RYR3: variants seen among roughly 807,000 people sequenced by gnomAD.
The protein encoded by RYR3 is brain ryanodine receptor-calcium release channel.
Under a neutral mutation model 584.3 loss-of-function variants are expected in RYR3, and 207 were observed. That is an observed-to-expected ratio of 0.35 (90% CI 0.32 to 0.40). The LOEUF is 0.40. RYR3 is among the 10% of genes least tolerant of loss of function. RYR3 has a pLI of 1.00. For missense variants in RYR3, 5,616 were observed against 6,089.2 expected (o/e 0.92, Z 2.59); for synonymous variants, 2,416 against 2,248.5 (o/e 1.07, Z -2.11).
rs752194470 is a variant in RYR3, at chr15:33,722,782, C to T, written c.6687C>T (p.Gly2229=). The part of the protein sequence containing the change: ...KLLIRRPECF[G]PALRGEGGNG... ...TCATCAGACGCCCAGAGTGCTTCGG[C>T]CCGGCCCTGCGGGGTGAGGGGGGAA... The change falls in exon 44 of 104, where the codon GGC becomes GGT. Residue 2229 remains glycine, a synonymous_variant. Transcript: ENST00000634891. The T allele has an allele frequency of 4.3e-6, 7 of 1,613,358 alleles. No homozygotes were observed. The highest frequency in any genetic ancestry group is 5.9e-6 in the Non-Finnish European group (7 of 1,179,660).
chr15:33,610,068 A>G (rs544971225), intron 18 of RYR3, among the ~76,000 whole-genome samples: 1 of 152,214 alleles, frequency 6.6e-6, no homozygotes, highest in Non-Finnish European at 1.5e-5. Context: ...ATTTGCCAAT[A>G]TGCATTGAGT....
chr15:33,714,032 A>G (rs939738044), intron 43 of RYR3, among the ~76,000 whole-genome samples: 3 of 152,186 alleles, frequency 2.0e-5, no homozygotes, highest in Non-Finnish European at 2.9e-5. Flanking sequence ...CATATTGTAG[A>G]TGAAGACCCT....
chr15:33,705,727 T>C (rs1372459034), intron 42 of RYR3, among the ~76,000 whole-genome samples: 1 of 152,174 alleles, frequency 6.6e-6, no homozygotes, highest in Admixed American at 6.5e-5. Flanking sequence ...TTTCTGGCCA[T>C]CCCAACCTCA....
chr15:33,473,653 T>A (rs2049130537), intron 2 of RYR3, 115 bp downstream of exon 2: 2 of 1,050,644 alleles, frequency 1.9e-6, no homozygotes, highest in South Asian at 3.1e-5. Flanking sequence ...GACACATTTA[T>A]TTTTTAAATG....
At chr15:33,651,452 G>GC in intron 31 of RYR3, among the ~76,000 whole-genome samples, 1 of 152,366 alleles carries the variant, frequency 6.6e-6, no homozygotes, top group East Asian at 1.9e-4. Context: ...TTCACAGGAA[G>GC]CGAGCAGACC....
chr15:33,741,622 T>C (rs1336685136), intron 51 of RYR3, among the ~76,000 whole-genome samples: 1 of 152,044 alleles, frequency 6.6e-6, no homozygotes, highest in Non-Finnish European at 1.5e-5. Flanking sequence ...TTGTTTTGTT[T>C]TGTTTTTTTG....
chr15:33,575,790 C>G (rs2058268425), intron 12 of RYR3, among the ~76,000 whole-genome samples: 2 of 150,294 alleles, frequency 1.3e-5, no homozygotes, highest in Non-Finnish European at 3.0e-5. Context: ...GAGATAGAGA[C>G]ACAGAAAGCC....
At chr15:33,612,882 A>G (rs2060266916) in intron 18 of RYR3, among the ~76,000 whole-genome samples, 1 of 152,140 alleles carries the variant, frequency 6.6e-6, no homozygotes. Flanking sequence ...CAGTCTGAAC[A>G]CTCATTGAGC....
chr15:33,806,523 A>G (rs2076219526), intron 69 of RYR3, among the ~76,000 whole-genome samples: 1 of 152,068 alleles, frequency 6.6e-6, no homozygotes, highest in Admixed American at 6.5e-5. Flanking sequence ...GCAAGAAAAT[A>G]AAACGTTTCC....
chr15:33,807,714 C>A lies in RYR3; in HGVS notation c.10026+145C>A, dbSNP rs1596706942. Reference sequence around the variant, plus strand: ...TCCCCCAGGCCTGCTCCAGGGAAGACAACTGCCTGTCAAAGAGTGAATGTA... The same window carrying A: ...TCCCCCAGGCCTGCTCCAGGGAAGAAAACTGCCTGTCAAAGAGTGAATGTA... On this transcript the variant is annotated intron_variant, in intron 70 of 103. Transcript: ENST00000634891. 2.8e-5 allele frequency: 22 copies of A among 793,962 alleles called. No homozygotes were observed. The East Asian group carries it at 5.6e-4, about 20-fold the overall frequency. 49.2% of individuals were successfully genotyped at this position (793,962 alleles called of 1,614,324 possible).
intron 38 of RYR3, among the ~76,000 whole-genome samples, chr15:33,682,450 T>TA (rs773557049): frequency 5.9e-5 from 9 of 152,104 alleles, no homozygotes; most frequent in Non-Finnish European, 1.0e-4. Flanking sequence ...TTAGCCTGAA[T>TA]AATCATTTAA....
At chr15:33,357,544 C>T (rs1312870400) in intron 1 of RYR3, among the ~76,000 whole-genome samples, 1 of 152,194 alleles carries the variant, frequency 6.6e-6, no homozygotes, top group Non-Finnish European at 1.5e-5. Flanking sequence ...GATTTTCCAA[C>T]TTCCTGCATT....
chr15:33,528,831 C>G (rs531556596), intron 3 of RYR3, among the ~76,000 whole-genome samples: 1 of 152,114 alleles, frequency 6.6e-6, no homozygotes, highest in African/African-American at 2.4e-5. Context: ...CATGACACCC[C>G]CCTCCCCCAG....
chr15:33,572,444 C>T (rs7169123), intron 12 of RYR3, among the ~76,000 whole-genome samples: 94,857 of 150,640 alleles, frequency 0.63, 31,462 homozygotes, highest in Middle Eastern at 0.75. Context: ...TGGATTTTGT[C>T]TTCTGCTTGT....
intron 76 of RYR3, 150 bp from the exon 77 acceptor site, chr15:33,819,606 G>A (rs920732565): frequency 1.2e-5 from 4 of 339,626 alleles, no homozygotes; most frequent in East Asian, 1.4e-4. Flanking sequence ...TCCAGGAGGC[G>A]GAGGTTGCAG....
intron 21 of RYR3, 92 bp from the exon 22 acceptor site, chr15:33,629,848 G>T: frequency 3.1e-6 from 2 of 652,552 alleles, no homozygotes; most frequent in Non-Finnish European, 5.3e-6. Flanking sequence ...GGATTGCCTG[G>T]GCCATGTTTC....
chr15:33,795,786 C>G (rs957638430), intron 67 of RYR3, among the ~76,000 whole-genome samples: 16 of 152,204 alleles, frequency 1.1e-4, no homozygotes, highest in African/African-American at 3.9e-4. Flanking sequence ...CTGCCTCTGC[C>G]TCCCAAAGTG....
intron 1 of RYR3, among the ~76,000 whole-genome samples, chr15:33,377,904 C>G (rs977051668): frequency 6.6e-6 from 1 of 152,108 alleles, no homozygotes; most frequent in African/African-American, 2.4e-5. Context: ...CCTCAGCCTC[C>G]CCAGTAGCTG....
chr15:33,746,188 G>A (rs1216749337), intron 53 of RYR3, 31 bp downstream of exon 53: 3 of 1,427,782 alleles, frequency 2.1e-6, no homozygotes, highest in Non-Finnish European at 2.9e-6. Flanking sequence ...AACACTGTGT[G>A]ACCATGCTGT....
Sources: allele counts gnomAD v4.1 joint callset (sites outside exome capture counted in the v4.1 genomes callset), GRCh38; gene constraint gnomAD v4.1.1; transcripts MANE v1.5; gene names NCBI Gene and HGNC (gene_info 2026-07-23, HGNC 2026-07-21).